TPCN1: variants seen among roughly 807,000 people sequenced by gnomAD.
The protein encoded by TPCN1 is two pore segment channel 1.
TPCN1 carries 52 observed loss-of-function variants against 108.8 expected under a neutral mutation model. That is an observed-to-expected ratio of 0.48 (90% CI 0.38 to 0.60). TPCN1 has a LOEUF of 0.60. TPCN1 is among the 20% of genes least tolerant of loss of function. The pLI is 0.00. For missense variants in TPCN1, 806 were observed against 1,072.8 expected, an observed-to-expected ratio of 0.75 and a Z score of 3.47; for synonymous variants, 446 against 433.7, an observed-to-expected ratio of 1.03 and a Z score of -0.35.
intron 2 of TPCN1, among the ~76,000 whole-genome samples, chr12:113,241,871 T>C (rs1431843437): frequency 6.6e-6 from 1 of 151,856 alleles, no homozygotes; most frequent in Admixed American, 6.6e-5. Flanking sequence ...ACTTTACACA[T>C]GACGGGTACT....
rs1566208334 is a variant in TPCN1 at position 113,293,011 on chromosome 12, C to CG, written c.2197dup (p.Ala733GlyfsTer50). On this transcript the variant is annotated frameshift_variant, in exon 26 of 28. Transcript: ENST00000335509. LOFTEE classifies it high-confidence loss of function. ...CGTCCTGGAGCTCTACCGGGAGGCA[C>CG]GGGGGGCCTCCTCGGATGTCACCAG... is the stretch of plus-strand genomic sequence containing the variant. The CG allele has an allele frequency of 1.9e-6, 3 of 1,613,198 alleles. No individual in the cohort carries two copies. The highest frequency in any genetic ancestry group is 1.1e-5 in the South Asian group (1 of 91,078).
In TPCN1 at chr12:113,268,616, G is replaced by A. The variant is rs1306114284; in HGVS notation, c.529-126G>A. ...CTGATGTTGGCAGGAAGTGTGAGAG[G>A]GCTGGAGAGAGGAGAAGGCCTCCCG... On this transcript the variant is annotated intron_variant, in intron 5 of 27. Transcript: ENST00000335509. This position sits in a 1 kb window ranked among gnomAD's most constrained non-coding sequence, Gnocchi z 7.3. The A allele has an allele frequency of 2.5e-6, 3 of 1,218,100 alleles. No individual in the cohort carries two copies. Among genetic ancestry groups the A allele is most frequent in the Non-Finnish European group, 3.4e-6 (3 of 872,134 alleles). The allele number at this position is 1,218,100 out of a possible 1,614,324, so 75.5% of individuals were successfully genotyped here. A position where few individuals can be genotyped will look rare whatever the true frequency, so the allele number is the denominator to read the frequency against.
At chr12:113,225,796 C>T (rs373178490) in intron 1 of TPCN1, among the ~76,000 whole-genome samples, 6 of 151,896 alleles carry the variant, frequency 4.0e-5, no homozygotes, top group South Asian at 2.1e-4. Flanking sequence ...CCTCAGGATC[C>T]GCCCGCCTCG....
At chr12:113,255,487 CTTT>C (rs201378482) in intron 2 of TPCN1, among the ~76,000 whole-genome samples, 1 of 147,584 alleles carries the variant, frequency 6.8e-6, no homozygotes, top group African/African-American at 2.5e-5. Context: ...TCCCAGCAGA[CTTT>C]TTTTTTTAAG....
At chr12:113,247,656 A>G (rs1954451834) in intron 2 of TPCN1, among the ~76,000 whole-genome samples, 1 of 152,250 alleles carries the variant, frequency 6.6e-6, no homozygotes, top group Non-Finnish European at 1.5e-5. Flanking sequence ...CGTGAAGGCC[A>G]CGTACAAAAG....
At chr12:113,278,646 C>A in intron 13 of TPCN1, 126 bp from the exon 14 acceptor site, 1 of 731,664 alleles carries the variant, frequency 1.4e-6, no homozygotes, top group Middle Eastern at 3.8e-4. Flanking sequence ...TCATGTAGAT[C>A]CCTGAAGGTT....
intron 10 of TPCN1, 110 bp from the exon 11 acceptor site, chr12:113,276,809 T>C (rs1211470144): frequency 7.9e-6 from 6 of 761,222 alleles, no homozygotes; most frequent in Non-Finnish European, 1.4e-5. Flanking sequence ...AGGGCCTCTC[T>C]GGGGTGACTG....
chr12:113,227,855 G>T (rs1230685999), intron 2 of TPCN1, among the ~76,000 whole-genome samples: 1 of 152,162 alleles, frequency 6.6e-6, no homozygotes, highest in Non-Finnish European at 1.5e-5. Context: ...AGGGAGTTTG[G>T]TGGCCTCCCC....
At chr12:113,258,264 T>C (rs61943601) in intron 2 of TPCN1, among the ~76,000 whole-genome samples, 16,519 of 151,924 alleles carry the variant, frequency 0.11, 1,056 homozygotes, top group East Asian at 0.21. Context: ...GTCAGGAGTT[T>C]AAGACCAACC....
chr12:113,268,068 GAGGTGTAACCCT>G lies in TPCN1; in HGVS notation c.528+116_528+127del. 1 of 804,132 alleles carries G rather than the reference GAGGTGTAACCCT, an allele frequency of 1.2e-6. No individual in the cohort carries two copies. The highest frequency in any genetic ancestry group is 2.1e-6 in the Non-Finnish European group (1 of 483,260). The allele number at this position is 804,132 out of a possible 1,614,324, so 49.8% of individuals were successfully genotyped here. On this transcript the variant is annotated intron_variant, in intron 5 of 27. Coordinates refer to ENST00000335509, the MANE Select transcript of TPCN1 (RefSeq NM_017901.6). The surrounding 1 kb of genome is among the most constrained non-coding windows in gnomAD (Gnocchi z 7.3). ...CCACCATGGGCCCAGTCCATGCTCA[GAGGTGTAACCCT>G]AGGGTCCCTGTCCTGACCGTGCCCT...
At chr12:113,280,222 G>A (rs1327097539) in intron 15 of TPCN1, 27 bp downstream of exon 15, 1 of 1,598,204 alleles carries the variant, frequency 6.3e-7, no homozygotes, top group Non-Finnish European at 8.6e-7. Flanking sequence ...TCCACTCTAG[G>A]CCACTTTCCC....
At position 113,285,825 on chromosome 12, in the gene TPCN1, G is replaced by A. The variant is rs139657107; in HGVS notation, c.1454-64G>A. On this transcript the variant is annotated intron_variant, in intron 17 of 27. Coordinates refer to ENST00000335509, the MANE Select transcript of TPCN1 (RefSeq NM_017901.6). ...CTGCAGACTGTGGAGGAGCCTCAAA[G>A]AGGAGACCGAGCATGGGGGAGGATG... is the stretch of plus-strand genomic sequence containing the variant. The A allele has an allele frequency of 2.3e-4, 327 of 1,429,530 alleles. 3 individuals carry two copies. The East Asian group carries it at 6.7e-3, about 29-fold the overall frequency. The allele number at this position is 1,429,530 out of a possible 1,614,324, so 88.6% of individuals were successfully genotyped here. A position where few individuals can be genotyped will look rare whatever the true frequency, so the allele number is the denominator to read the frequency against.
Position 113,266,081 on chromosome 12 carries a change from G to A in TPCN1, c.238-99G>A, listed in dbSNP as rs1419457981. ...CTGTCTCTGGCCTGAATCTCTCCTCGCCTGCCTGGGGCCTTCCTTTCCTCC... is the reference window on the plus strand; with the variant it reads ...CTGTCTCTGGCCTGAATCTCTCCTCACCTGCCTGGGGCCTTCCTTTCCTCC... On this transcript the variant is annotated intron_variant, in intron 3 of 27. Transcript: ENST00000335509. This position sits in a 1 kb window ranked among gnomAD's most constrained non-coding sequence, Gnocchi z 4.2. The A allele has an allele frequency of 6.1e-6, 8 of 1,316,868 alleles. No individual in the cohort carries two copies. The highest frequency in any genetic ancestry group is 7.4e-6 in the Non-Finnish European group (7 of 941,564). 81.6% of individuals were successfully genotyped at this position (1,316,868 alleles called of 1,614,324 possible).
chr12:113,246,218 G>A (rs1201375774), intron 2 of TPCN1, among the ~76,000 whole-genome samples: 1 of 152,100 alleles, frequency 6.6e-6, no homozygotes, highest in African/African-American at 2.4e-5. Flanking sequence ...TCTCTCCTCC[G>A]GGCTGATTGC....
intron 2 of TPCN1, chr12:113,244,186 C>T: frequency 2.2e-6 from 1 of 447,894 alleles, no homozygotes; most frequent in South Asian, 9.5e-5. Flanking sequence ...ATTATCCTGA[C>T]CACTTTCACA....
chr12:113,284,903 C>G lies in TPCN1; in HGVS notation c.1453+132C>G. 9.9e-7 allele frequency: 1 copy of G among 1,014,564 alleles called. No individual in the cohort carries two copies. Among genetic ancestry groups the G allele is most frequent in the Non-Finnish European group, 1.5e-6 (1 of 665,120 alleles). 62.8% of individuals were successfully genotyped at this position (1,014,564 alleles called of 1,614,324 possible). ...AAGAGACGGAGTAATCAGTCTGATT[C>G]CATCTCGTCCCCGTTTAAAACTCTT... On this transcript the variant is annotated intron_variant, in intron 17 of 27. Coordinates refer to ENST00000335509, the MANE Select transcript of TPCN1 (RefSeq NM_017901.6). This position sits in a 1 kb window ranked among gnomAD's most constrained non-coding sequence, Gnocchi z 4.1.
rs71086152 is a variant in TPCN1 at position 113,230,283 on chromosome 12, C to CTTTTTTTTT, written c.112+3334_112+3342dup. Among the ~76,000 whole-genome samples the CTTTTTTTTT allele has an allele frequency of 7.3e-5, 8 of 108,950 alleles. 1 individual carries two copies. The highest frequency in any genetic ancestry group is 9.9e-5 in the Admixed American group (1 of 10,096). 71.5% of individuals were successfully genotyped at this position (108,950 alleles called of 152,430 possible). The stretch of plus-strand genomic sequence containing the variant: ...CTACTAGGCCCTGAGATCCATTCAT[C>CTTTTTTTTT]TTTTTTTTTTTTTTTTTTTTTTTGA... On this transcript the variant is annotated intron_variant, in intron 2 of 27. Coordinates refer to ENST00000335509, the MANE Select transcript of TPCN1 (RefSeq NM_017901.6).
chr12:113,273,306 GC>G lies in TPCN1; in HGVS notation c.842+18del, dbSNP rs752124612. 6.2e-7 allele frequency: 1 copy of G among 1,614,110 alleles called. No individual in the cohort carries two copies. The highest frequency in any genetic ancestry group is 2.2e-5 in the East Asian group (1 of 44,880). On this transcript the variant is annotated intron_variant, in intron 9 of 27. Coordinates refer to ENST00000335509, the MANE Select transcript of TPCN1 (RefSeq NM_017901.6). This position sits in a 1 kb window ranked among gnomAD's most constrained non-coding sequence, Gnocchi z 4.0. ...CCACAGCCAAGTAAGTGCAGGCTCT[GC>G]CTTGCCTTTGGTCCTCTGCTGCCGC...
rs73192831 is a variant in TPCN1 at position 113,269,104 on chromosome 12, C to T, written c.659+232C>T. Among the ~76,000 whole-genome samples the T allele has an allele frequency of 0.059, 8,975 of 152,244 alleles. 361 individuals carry two copies. Among genetic ancestry groups the T allele is most frequent in the Middle Eastern group, 0.071 (21 of 294 alleles). Reference sequence around the variant, plus strand: ...GTCCAGGGCTTTTTCCCATCTTATCCGCAGCCTTCCAGAGCTGCTTCCTCG... The same window carrying T: ...GTCCAGGGCTTTTTCCCATCTTATCTGCAGCCTTCCAGAGCTGCTTCCTCG... On this transcript the variant is annotated intron_variant, in intron 6 of 27. Coordinates refer to ENST00000335509, the MANE Select transcript of TPCN1 (RefSeq NM_017901.6). The surrounding 1 kb of genome is among the most constrained non-coding windows in gnomAD (Gnocchi z 5.0).
Sources: allele counts gnomAD v4.1 joint callset (sites outside exome capture counted in the v4.1 genomes callset), GRCh38; gene constraint gnomAD v4.1.1; non-coding constraint Gnocchi (gnomAD v3.1); transcripts MANE v1.5; gene names NCBI Gene and HGNC (gene_info 2026-07-23, HGNC 2026-07-21).